The following C1orf87 variants were observed in gnomAD, a reference collection of about 807,000 sequenced individuals.
C1orf87 encodes chromosome 1 open reading frame 87, also known as uncharacterized protein C1orf87.
In C1orf87, 58 loss-of-function variants were observed where a neutral mutation model predicts 60.5. That is an observed-to-expected ratio of 0.96 (90% CI 0.78 to 1.19). C1orf87 has a LOEUF of 1.19. C1orf87 is among the 50% of genes most tolerant of loss of function. The probability of loss-of-function intolerance (pLI) is 0.00; values close to 1 mark genes in which losing one functional copy is unlikely to be tolerated. For missense variants in C1orf87, 673 were observed against 638.6 expected, an observed-to-expected ratio of 1.05 and a Z score of -0.58; for synonymous variants, 236 against 227.4, an observed-to-expected ratio of 1.04 and a Z score of -0.34.
intron 3 of C1orf87, among the ~76,000 whole-genome samples, chr1:60,044,077 T>C (rs1159147901): frequency 6.6e-6 from 1 of 152,228 alleles, no homozygotes; most frequent in East Asian, 1.9e-4. Flanking sequence ...TTGTCCAGGC[T>C]GGAGTGCAGT....
At chr1:60,008,409 A>G (rs1645060740) in intron 9 of C1orf87, among the ~76,000 whole-genome samples, 1 of 151,988 alleles carries the variant, frequency 6.6e-6, no homozygotes, top group African/African-American at 2.4e-5. Context: ...TCCATATGCT[A>G]TGGTCTTAAT....
intron 3 of C1orf87, among the ~76,000 whole-genome samples, chr1:60,050,122 A>G (rs192367179): frequency 8.0e-4 from 122 of 152,188 alleles, no homozygotes; most frequent in African/African-American, 2.9e-3. Flanking sequence ...TAACTTGCTA[A>G]TCAATTTGGC....
chr1:60,064,848 T>TTATATATTTATTATATATAAA (rs1645530004), intron 2 of C1orf87, among the ~76,000 whole-genome samples: 1 of 86,570 alleles, frequency 1.2e-5, no homozygotes, highest in Non-Finnish European at 2.1e-5. Flanking sequence ...AATTATATAT[T>TTATATATTTATTATATATAAA]TATATATTTA....
At chr1:59,993,231 AATAAATAC>A (rs113042896) in intron 11 of C1orf87, among the ~76,000 whole-genome samples, 7,917 of 151,986 alleles carry the variant, frequency 0.052, 658 homozygotes, top group African/African-American at 0.18. Flanking sequence ...TAAATAAATA[AATAAATAC>A]ATAAATACAT....
chr1:60,065,485 C>A (rs963697775), intron 2 of C1orf87, among the ~76,000 whole-genome samples: 3 of 152,006 alleles, frequency 2.0e-5, no homozygotes, highest in African/African-American at 4.8e-5. Flanking sequence ...CCTTTAAGAG[C>A]TGATAGACCC....
chr1:60,016,046 C>T (rs1365192183), intron 8 of C1orf87, among the ~76,000 whole-genome samples: 1 of 152,142 alleles, frequency 6.6e-6, no homozygotes, highest in African/African-American at 2.4e-5. Context: ...CCACCATAAC[C>T]AGCCTATCAC....
intron 2 of C1orf87, among the ~76,000 whole-genome samples, chr1:60,067,066 T>A (rs1175446594): frequency 6.6e-6 from 1 of 152,234 alleles, no homozygotes; most frequent in African/African-American, 2.4e-5. Context: ...ATTTTCTTTA[T>A]CCAGTCTACT....
At chr1:60,037,451 A>G (rs1645285825) in intron 6 of C1orf87, among the ~76,000 whole-genome samples, 1 of 152,230 alleles carries the variant, frequency 6.6e-6, no homozygotes, top group African/African-American at 2.4e-5. Flanking sequence ...AGTGGCAGGC[A>G]TCTTGAAAGG....
chr1:59,994,281 AT>A (rs66956954), intron 11 of C1orf87, among the ~76,000 whole-genome samples: 3,600 of 144,990 alleles, frequency 0.025, 120 homozygotes, highest in African/African-American at 0.083. Context: ...AAAAAAAAAA[AT>A]CAAGCAAAAT....
At chr1:60,064,457 T>A (rs1220154567) in intron 2 of C1orf87, among the ~76,000 whole-genome samples, 1 of 139,306 alleles carries the variant, frequency 7.2e-6, no homozygotes, top group Non-Finnish European at 1.5e-5. Context: ...TATACTGTAG[T>A]CTATTATGTG....
chr1:60,021,240 G>A (rs1166033837), intron 8 of C1orf87, among the ~76,000 whole-genome samples: 1 of 152,174 alleles, frequency 6.6e-6, no homozygotes, highest in Non-Finnish European at 1.5e-5. Context: ...ATAGCACTGT[G>A]AGAACAGACT....
rs755705737 is a variant in C1orf87 at position 60,001,093 on chromosome 1, C to T, written c.1256G>A (p.Ser419Asn). ...MEPEVPEMSQ[S>N]KTEHMKTPEE... ...GGTGCATACCATATGTTCAGTTTTGCTTTGAGACATCTCGGGGACTTCAGG... is the reference window on the plus strand; with the variant it reads ...GGTGCATACCATATGTTCAGTTTTGTTTTGAGACATCTCGGGGACTTCAGG... The change falls in exon 10 of 12, where the codon AGC (serine) becomes AAC (asparagine). Residue 419 changes from serine to asparagine, a missense_variant. By Grantham distance (46) the Ser-to-Asn change is conservative. Transcript: ENST00000371201. The T allele has an allele frequency of 3.1e-6, 5 of 1,608,930 alleles. No homozygotes were observed. The highest frequency in any genetic ancestry group is 1.1e-5 in the South Asian group (1 of 90,780).
intron 11 of C1orf87, among the ~76,000 whole-genome samples, chr1:59,992,666 A>T (rs1382973448): frequency 6.6e-6 from 1 of 152,208 alleles, no homozygotes; most frequent in Non-Finnish European, 1.5e-5. Flanking sequence ...CTAGTCCATT[A>T]GAGTTGGGCA....
intron 2 of C1orf87, among the ~76,000 whole-genome samples, chr1:60,069,421 G>A (rs634125): frequency 0.39 from 59,625 of 151,898 alleles, 12,230 homozygotes; most frequent in South Asian, 0.48. Flanking sequence ...GTCAAGTAGA[G>A]TGTGTGAAGA....
intron 3 of C1orf87, among the ~76,000 whole-genome samples, chr1:60,047,899 G>T (rs1645384697): frequency 6.6e-6 from 1 of 151,924 alleles, no homozygotes; most frequent in African/African-American, 2.4e-5. Context: ...GATATGCAAT[G>T]AAGTCACTGT....
rs376613636 is a variant in C1orf87, at chr1:60,040,958, T to C, written c.483+33A>G. On this transcript the variant is annotated intron_variant, in intron 4 of 11. Transcript: ENST00000371201. ...GTCAACAACACTCCTTCATCTACAA[T>C]AGACACAACTCAACAACTCTTAGTA... The C allele has an allele frequency of 5.1e-6, 8 of 1,559,018 alleles. No homozygotes were observed. In the African/African-American group the frequency reaches 5.4e-5, roughly 11 times the overall value.
chr1:60,072,460 A>C, intron 2 of C1orf87, 77 bp downstream of exon 2: 1 of 1,194,266 alleles, frequency 8.4e-7, no homozygotes, highest in East Asian at 2.4e-5. Context: ...TTTAAGTTTA[A>C]ATTTCTGGGT....
intron 6 of C1orf87, among the ~76,000 whole-genome samples, 194 bp from the exon 7 acceptor site, chr1:60,033,835 C>T (rs1480446408): frequency 2.6e-5 from 4 of 152,178 alleles, no homozygotes; most frequent in African/African-American, 9.7e-5. Context: ...ATACCTGCTC[C>T]ATCTGAGTGA....
chr1:60,007,397 C>A (rs1358862236), intron 9 of C1orf87, among the ~76,000 whole-genome samples: 2 of 151,380 alleles, frequency 1.3e-5, no homozygotes, highest in Non-Finnish European at 3.0e-5. Context: ...CATTTGATTC[C>A]TTTTATAGAT....
Sources: gnomAD v4.1 joint callset for allele counts (sites outside exome capture counted in the v4.1 genomes callset) on GRCh38, gnomAD v4.1.1 for gene constraint, MANE v1.5 for transcripts, NCBI Gene and HGNC (gene_info 2026-07-23, HGNC 2026-07-21) for gene names.